CPNE4: variants seen among roughly 807,000 people sequenced by gnomAD.
The protein encoded by CPNE4 is copine 4.
CPNE4 carries 25 observed loss-of-function variants against 67.9 expected under a neutral mutation model. The observed-to-expected ratio is 0.37, with a 90% CI of 0.27 to 0.51. The LOEUF (loss-of-function observed/expected upper bound fraction) is 0.51. Ranked by LOEUF, CPNE4 falls within the 20% of genes least tolerant of loss-of-function variation. The pLI, the probability that CPNE4 is intolerant of heterozygous loss-of-function variation, is 0.93. For synonymous variants in CPNE4, 242 were observed against 244.9 expected (o/e 0.99, Z 0.11); for missense variants, 464 against 690.8 (o/e 0.67, Z 3.68).
intron 1 of CPNE4, among the ~76,000 whole-genome samples, chr3:131,976,518 A>G (rs957608917): frequency 6.6e-6 from 1 of 152,158 alleles, no homozygotes. Context: ...AATAGAAGGA[A>G]AGAGAAAACA....
At chr3:131,726,526 G>C (rs1490860652) in intron 2 of CPNE4, among the ~76,000 whole-genome samples, 1 of 152,164 alleles carries the variant, frequency 6.6e-6, no homozygotes, top group African/African-American at 2.4e-5. Flanking sequence ...ATATTTGAAA[G>C]ATGTTTTAAA....
intron 10 of CPNE4, among the ~76,000 whole-genome samples, chr3:131,564,857 T>C (rs1936973695): frequency 6.6e-6 from 1 of 152,036 alleles, no homozygotes; most frequent in Non-Finnish European, 1.5e-5. Flanking sequence ...AGAGTGGTTA[T>C]AACAAATTTT....
At chr3:131,951,475 C>CT (rs2071717936) in intron 1 of CPNE4, among the ~76,000 whole-genome samples, 1 of 152,092 alleles carries the variant, frequency 6.6e-6, no homozygotes, top group African/African-American at 2.4e-5. Flanking sequence ...TTTCTTTTGC[C>CT]TAGAGATACT....
At chr3:131,745,717 T>C (rs1408932356) in intron 2 of CPNE4, among the ~76,000 whole-genome samples, 10 of 152,122 alleles carry the variant, frequency 6.6e-5, no homozygotes, top group Admixed American at 5.9e-4. Flanking sequence ...TGTGGGTATA[T>C]TTCTGGTTTC....
intron 1 of CPNE4, among the ~76,000 whole-genome samples, chr3:131,940,672 G>A (rs978462541): frequency 7.2e-5 from 11 of 152,032 alleles, no homozygotes; most frequent in East Asian, 1.9e-4. Context: ...ATTTTCTTAT[G>A]AGGTAACTCT....
intron 1 of CPNE4, among the ~76,000 whole-genome samples, chr3:131,970,349 T>C (rs1337668864): frequency 1.3e-5 from 2 of 152,216 alleles, no homozygotes. Flanking sequence ...TTGGAGCTTA[T>C]TTGTTACAGT....
chr3:131,739,955 C>T (rs548993231), intron 2 of CPNE4, among the ~76,000 whole-genome samples: 6 of 152,344 alleles, frequency 3.9e-5, no homozygotes, highest in East Asian at 3.9e-4. Context: ...AATGTCAAAG[C>T]GACTTGCCCT....
intron 1 of CPNE4, among the ~76,000 whole-genome samples, chr3:131,970,338 T>C (rs1037183758): frequency 6.6e-6 from 1 of 152,196 alleles, no homozygotes; most frequent in Non-Finnish European, 1.5e-5. Flanking sequence ...GTCACTGAGA[T>C]TTGGAGCTTA....
chr3:131,597,300 G>T (rs1389477017), intron 7 of CPNE4, among the ~76,000 whole-genome samples: 1 of 151,796 alleles, frequency 6.6e-6, no homozygotes, highest in East Asian at 1.9e-4. Flanking sequence ...ACACATCAGG[G>T]CCTGTTGTGG....
intron 11 of CPNE4, among the ~76,000 whole-genome samples, chr3:131,559,682 T>G (rs536882913): frequency 2.4e-4 from 36 of 152,122 alleles, no homozygotes; most frequent in African/African-American, 8.7e-4. Context: ...CCAATTTTAT[T>G]AAGATACATT....
At chr3:131,983,044 A>G (rs1201438569) in intron 1 of CPNE4, among the ~76,000 whole-genome samples, 1 of 152,068 alleles carries the variant, frequency 6.6e-6, no homozygotes, top group Non-Finnish European at 1.5e-5. Context: ...TGTTACCAAA[A>G]TTTTTGTCTA....
intron 2 of CPNE4, among the ~76,000 whole-genome samples, chr3:131,768,437 T>C (rs538477792): frequency 2.6e-5 from 4 of 152,272 alleles, no homozygotes; most frequent in Admixed American, 2.6e-4. Flanking sequence ...TTTGTGTAAA[T>C]GCCCTTCATG....
intron 7 of CPNE4, among the ~76,000 whole-genome samples, chr3:131,613,190 A>C (rs780523199): frequency 1.3e-5 from 2 of 152,312 alleles, no homozygotes; most frequent in Non-Finnish European, 2.9e-5. Flanking sequence ...TAGCAATTCC[A>C]GGTTCTATAG....
chr3:132,025,321 T>A (rs1439508204), intron 1 of CPNE4, among the ~76,000 whole-genome samples: 1 of 152,344 alleles, frequency 6.6e-6, no homozygotes, highest in East Asian at 1.9e-4. Flanking sequence ...CTGGTTGTGT[T>A]CCTGGGGCCA....
chr3:131,616,694 C>G (rs531858061), intron 7 of CPNE4, among the ~76,000 whole-genome samples: 11 of 152,144 alleles, frequency 7.2e-5, no homozygotes, highest in Non-Finnish European at 1.6e-4. Context: ...TTGTTGATCC[C>G]TCCCAACCAA....
Position 131,535,164 on chromosome 3 carries a change from T to C in CPNE4, c.*31A>G, listed in dbSNP as rs1177448093. The C allele has an allele frequency of 6.4e-7, 1 of 1,570,998 alleles. No individual in the cohort carries two copies. Among genetic ancestry groups the C allele is most frequent in the African/African-American group, 1.4e-5 (1 of 73,606 alleles). ...ATATGAAATATTAGCAGGAATAGTA[T>C]TTCAGAACTCTGTAAAACTGTGTGG... On this transcript the variant is annotated 3_prime_UTR_variant, in exon 16 of 16. Transcript: ENST00000429747.
intron 2 of CPNE4, among the ~76,000 whole-genome samples, chr3:131,768,548 T>A (rs2083082382): frequency 6.6e-6 from 1 of 152,160 alleles, no homozygotes. Context: ...GCTGAGATTT[T>A]GGCTAACACT....
chr3:131,578,867 G>A (rs1937620861), intron 9 of CPNE4, among the ~76,000 whole-genome samples: 1 of 152,186 alleles, frequency 6.6e-6, no homozygotes. Flanking sequence ...GGTTCATGAG[G>A]TTTAAGGAAA....
intron 11 of CPNE4, among the ~76,000 whole-genome samples, chr3:131,559,752 T>C (rs1161639373): frequency 6.6e-6 from 1 of 151,944 alleles, no homozygotes; most frequent in Non-Finnish European, 1.5e-5. Context: ...GAAGAAACAA[T>C]TACAATTCTC....
Sources: gnomAD v4.1 joint callset for allele counts (sites outside exome capture counted in the v4.1 genomes callset) on GRCh38, gnomAD v4.1.1 for gene constraint, MANE v1.5 for transcripts, NCBI Gene and HGNC (gene_info 2026-07-23, HGNC 2026-07-21) for gene names.